The following NOL4L variants were observed in gnomAD, a reference collection of about 807,000 sequenced individuals.
NOL4L encodes the protein nucleolar protein 4-like.
Under a neutral mutation model 64.5 loss-of-function variants are expected in NOL4L, and 7 were observed. The ratio of observed to expected loss-of-function variants is 0.11; its 90% CI spans 0.06 to 0.20. The LOEUF is 0.20. Ranked by LOEUF, NOL4L falls within the 10% of genes least tolerant of loss-of-function variation. NOL4L has a pLI of 1.00. For synonymous variants in NOL4L, 413 were observed against 401.0 expected, an observed-to-expected ratio of 1.03 and a Z score of -0.36; for missense variants, 680 against 967.1, an observed-to-expected ratio of 0.70 and a Z score of 3.94.
chr20:32,515,371 G>A (rs1480017054), intron 3 of NOL4L, among the ~76,000 whole-genome samples: 2 of 152,174 alleles, frequency 1.3e-5, no homozygotes, highest in Non-Finnish European at 2.9e-5. Flanking sequence ...GTGGGGGAGG[G>A]AGGACCTCCG....
chr20:32,583,872 G>A (rs1980685859), intron 1 of NOL4L, among the ~76,000 whole-genome samples: 1 of 90,306 alleles, frequency 1.1e-5, no homozygotes, highest in African/African-American at 4.4e-5. Context: ...GGATGGATAG[G>A]TCAGGCCTCC....
Position 32,447,429 on chromosome 20 carries a change from A to AAAAAAAT in NOL4L, c.*166_*167insATTTTTT, listed in dbSNP as rs374212206. 3.0e-5 allele frequency: 23 copies of AAAAAAAT among 757,994 alleles called. No individual in the cohort carries two copies. The highest frequency in any genetic ancestry group is 9.0e-5 in the East Asian group (3 of 33,356). The allele number at this position is 757,994 out of a possible 1,614,324, so 47.0% of individuals were successfully genotyped here. On this transcript the variant is annotated 3_prime_UTR_variant, in exon 11 of 11. Transcript: ENST00000621426. ...AAAAAAAAAAAAAAAAAAAAAAAAAAGTGTCCTTGTGCCCAAAGTCTCAGG... is the reference window on the plus strand; with the variant it reads ...AAAAAAAAAAAAAAAAAAAAAAAAAAAAAAAATGTGTCCTTGTGCCCAAAGTCTCAGG...
chr20:32,464,769 A>G lies in NOL4L; in HGVS notation c.842-8374T>C, dbSNP rs1026593718. The G allele has an allele frequency of 2.6e-6, 1 of 380,706 alleles. No individual in the cohort carries two copies. Among genetic ancestry groups the G allele is most frequent in the Non-Finnish European group, 4.6e-6 (1 of 215,286 alleles). The allele number at this position is 380,706 out of a possible 1,614,324, so 23.6% of individuals were successfully genotyped here. On this transcript the variant is annotated intron_variant, in intron 5 of 10. Transcript: ENST00000621426. The surrounding 1 kb of genome is among the most constrained non-coding windows in gnomAD (Gnocchi z 5.6). ...CCCACATTTTAAAAAGTAATAAAGA[A>G]ACAGGTGAAATCAATTTTAATAATC...
At chr20:32,583,579 C>T (rs1413316814) in intron 1 of NOL4L, among the ~76,000 whole-genome samples, 2 of 148,470 alleles carry the variant, frequency 1.3e-5, no homozygotes, top group African/African-American at 5.0e-5. Flanking sequence ...GGGCCGGGGG[C>T]GGAACGCACT....
intron 3 of NOL4L, among the ~76,000 whole-genome samples, chr20:32,517,030 G>A (rs1224410675): frequency 6.6e-6 from 1 of 152,216 alleles, no homozygotes; most frequent in African/African-American, 2.4e-5. Context: ...AGGGACTGGT[G>A]GAAGAGGAGT....
At chr20:32,476,007 G>A (rs916646331) in intron 4 of NOL4L, among the ~76,000 whole-genome samples, 2 of 152,124 alleles carry the variant, frequency 1.3e-5, no homozygotes, top group East Asian at 1.9e-4. Context: ...GGGCTGTGAC[G>A]CCTGTAGTCC....
Position 32,488,827 on chromosome 20 carries a change from T to TTCTTTCTTTCTTTC in NOL4L, c.700-14086_700-14085insGAAAGAAAGAAAGA, listed in dbSNP as rs11483298. Among the ~76,000 whole-genome samples the TTCTTTCTTTCTTTC allele has an allele frequency of 1.0e-3, 34 of 33,146 alleles. 4 individuals are homozygous for TTCTTTCTTTCTTTC. Among genetic ancestry groups the TTCTTTCTTTCTTTC allele is most frequent in the East Asian group, 6.0e-3 (6 of 1,008 alleles). 21.7% of individuals were successfully genotyped at this position (33,146 alleles called of 152,430 possible). On this transcript the variant is annotated intron_variant, in intron 4 of 10. Coordinates refer to ENST00000621426, the MANE Select transcript of NOL4L (RefSeq NM_001256798.2). ...TCTTTTTCTTTCTTTCTTTCTTTCT[T>TTCTTTCTTTCTTTC]TTTCTTTCTTTCTTTCTTTCTTTCT...
At chr20:32,562,865 G>A (rs1979120970) in intron 1 of NOL4L, among the ~76,000 whole-genome samples, 1 of 141,948 alleles carries the variant, frequency 7.0e-6, no homozygotes, top group Non-Finnish European at 1.5e-5. Context: ...TGCTCCAGAA[G>A]CTACTGTGTT....
At chr20:32,575,415 T>C (rs1252497645) in intron 1 of NOL4L, among the ~76,000 whole-genome samples, 2 of 152,178 alleles carry the variant, frequency 1.3e-5, no homozygotes, top group Non-Finnish European at 2.9e-5. Context: ...CGGAATGAGC[T>C]TCCCTATGCT....
intron 5 of NOL4L, among the ~76,000 whole-genome samples, chr20:32,473,817 C>G (rs1236468627): frequency 1.3e-5 from 2 of 152,224 alleles, no homozygotes; most frequent in Non-Finnish European, 2.9e-5. Flanking sequence ...GCCCAGCTCA[C>G]TCATCCCTGC....
At position 32,527,906 on chromosome 20, in the gene NOL4L, T is replaced by C; in HGVS notation, c.329A>G (p.Asp110Gly). Residue 110 changes from aspartate to glycine, a missense_variant, in exon 2 of 11, where the codon GAT (aspartate) becomes GGT (glycine). Transcript: ENST00000621426. Reference sequence around the variant, plus strand: ...GATGCCCTCTGGCTCCGACAGGCCATCTGCCCCCTGCGACAGGGTGGACAA... The same window carrying C: ...GATGCCCTCTGGCTCCGACAGGCCACCTGCCCCCTGCGACAGGGTGGACAA... ...YVPVKTGSGA[D>G]GLSEPEGISL... The C allele has an allele frequency of 6.5e-7, 1 of 1,550,330 alleles. No individual in the cohort carries two copies. Among genetic ancestry groups the C allele is most frequent in the Non-Finnish European group, 8.7e-7 (1 of 1,146,836 alleles).
In NOL4L at chr20:32,536,958, C is replaced by A; in HGVS notation, c.322-9045G>T. Reference sequence around the variant, plus strand: ...CGCTCACCTGGAGACCGCGCCCGCGCGGGCCCCGCCCACCCCACGCGCACC... The same window carrying A: ...CGCTCACCTGGAGACCGCGCCCGCGAGGGCCCCGCCCACCCCACGCGCACC... On this transcript the variant is annotated intron_variant, in intron 1 of 10. Transcript: ENST00000621426. The A allele has an allele frequency of 6.2e-6, 4 of 647,646 alleles. No individual in the cohort carries two copies. In the South Asian group the frequency reaches 2.0e-4, roughly 33 times the overall value. 40.1% of individuals were successfully genotyped at this position (647,646 alleles called of 1,614,324 possible).
rs1027710681 is a variant in NOL4L, at chr20:32,447,106, C to G, written c.*490G>C. 10 of 403,404 alleles carry G rather than the reference C, an allele frequency of 2.5e-5. No homozygotes were observed. The highest frequency in any genetic ancestry group is 1.9e-4 in the African/African-American group (9 of 48,258). 25.0% of individuals were successfully genotyped at this position (403,404 alleles called of 1,614,324 possible). A position where few individuals can be genotyped will look rare whatever the true frequency, so the allele number is the denominator to read the frequency against. Reference sequence around the variant, plus strand: ...AGGTATGGGGATACATCCTTCTGATCAGACAGACACAGACTAGCAATCTGT... The same window carrying G: ...AGGTATGGGGATACATCCTTCTGATGAGACAGACACAGACTAGCAATCTGT... On this transcript the variant is annotated 3_prime_UTR_variant, in exon 11 of 11. Coordinates refer to ENST00000621426, the MANE Select transcript of NOL4L (RefSeq NM_001256798.2).
chr20:32,570,495 T>G (rs1979687297), intron 1 of NOL4L, among the ~76,000 whole-genome samples: 1 of 152,200 alleles, frequency 6.6e-6, no homozygotes, highest in Non-Finnish European at 1.5e-5. Flanking sequence ...CCAAGGGCTC[T>G]TTCCATAGTA....
chr20:32,464,248 AT>A lies in NOL4L; in HGVS notation c.842-7854del, dbSNP rs2014350562. 6.6e-6 allele frequency among the ~76,000 whole-genome samples: 1 copy of A among 152,146 alleles called. No individual in the cohort carries two copies. Among genetic ancestry groups the A allele is most frequent in the Admixed American group, 6.5e-5 (1 of 15,280 alleles). On this transcript the variant is annotated intron_variant, in intron 5 of 10. Coordinates refer to ENST00000621426, the MANE Select transcript of NOL4L (RefSeq NM_001256798.2). This position sits in a 1 kb window ranked among gnomAD's most constrained non-coding sequence, Gnocchi z 5.6. The stretch of plus-strand genomic sequence containing the variant: ...CCAGCGCCCAGGCTGTGTTTACACG[AT>A]GCGTAGTTCCAAGGAGCACCAGGCT...
At position 32,582,407 on chromosome 20, in the gene NOL4L, GC is replaced by G. The variant is rs531780467; in HGVS notation, c.321+2162del. Among the ~76,000 whole-genome samples, 171 of 152,324 alleles carry G rather than the reference GC, an allele frequency of 1.1e-3. 1 individual carries two copies. Among genetic ancestry groups the G allele is most frequent in the Non-Finnish European group, 1.6e-4 (11 of 68,018 alleles). On this transcript the variant is annotated intron_variant, in intron 1 of 10. Transcript: ENST00000621426. Reference sequence around the variant, plus strand: ...AGGAGCATCTGAAGCCAGCAGCTGGGCCGGCAGGACCTGGGGTCCAGGCCCA... The same window carrying G: ...AGGAGCATCTGAAGCCAGCAGCTGGGCGGCAGGACCTGGGGTCCAGGCCCA...
intron 4 of NOL4L, among the ~76,000 whole-genome samples, chr20:32,494,790 T>C (rs887386854): frequency 2.0e-5 from 3 of 152,224 alleles, no homozygotes; most frequent in Non-Finnish European, 4.4e-5. Context: ...AGGAAAAGCC[T>C]CAATAACATC....
rs1043765563 is a variant in NOL4L at position 32,511,568 on chromosome 20, A to C, written c.590-112T>G. 5.7e-6 allele frequency: 4 copies of C among 698,666 alleles called. No individual in the cohort carries two copies. The African/African-American group carries it at 7.1e-5, about 12-fold the overall frequency. The allele number at this position is 698,666 out of a possible 1,614,324, so 43.3% of individuals were successfully genotyped here. A position where few individuals can be genotyped will look rare whatever the true frequency, so the allele number is the denominator to read the frequency against. ...AGGAAGCCACCTTGGAGGAGAAGGG[A>C]CAGGTCAGAGGTCGCAGACTCTGTG... On this transcript the variant is annotated intron_variant, in intron 3 of 10. Coordinates refer to ENST00000621426, the MANE Select transcript of NOL4L (RefSeq NM_001256798.2).
chr20:32,453,177 G>A lies in NOL4L; in HGVS notation c.1497+127C>T, dbSNP rs1568594499. ...TTAGTTCCCTCATTTGCAAACCAGG[G>A]ATTATGGTACTTGCTTCCAGGGCTC... On this transcript the variant is annotated intron_variant, in intron 8 of 10. Coordinates refer to ENST00000621426, the MANE Select transcript of NOL4L (RefSeq NM_001256798.2). This position sits in a 1 kb window ranked among gnomAD's most constrained non-coding sequence, Gnocchi z 5.6. The A allele has an allele frequency of 1.4e-6, 2 of 1,414,666 alleles. No homozygotes were observed. Among genetic ancestry groups the A allele is most frequent in the Non-Finnish European group, 1.9e-6 (2 of 1,044,004 alleles). The allele number at this position is 1,414,666 out of a possible 1,614,324, so 87.6% of individuals were successfully genotyped here.
Sources: allele counts gnomAD v4.1 joint callset (sites outside exome capture counted in the v4.1 genomes callset), GRCh38; gene constraint gnomAD v4.1.1; non-coding constraint Gnocchi (gnomAD v3.1); transcripts MANE v1.5; gene names NCBI Gene and HGNC (gene_info 2026-07-23, HGNC 2026-07-21).